INPP4B: variants seen among roughly 807,000 people sequenced by gnomAD.
INPP4B encodes inositol polyphosphate-4-phosphatase type II B, also known as inositol polyphosphate 4-phosphatase type II.
Under a neutral mutation model 122.5 loss-of-function variants are expected in INPP4B, and 55 were observed. The observed-to-expected ratio is 0.45, with a 90% CI of 0.36 to 0.56. INPP4B has a LOEUF of 0.56. Ranked by LOEUF, INPP4B falls within the 20% of genes least tolerant of loss-of-function variation. The pLI, the probability that INPP4B is intolerant of heterozygous loss-of-function variation, is 0.00. For synonymous variants in INPP4B, 403 were observed against 388.7 expected (o/e 1.04, Z -0.43); for missense variants, 1,000 against 1,097.7 (o/e 0.91, Z 1.26).
At chr4:142,242,160 T>C (rs891823585) in intron 11 of INPP4B, among the ~76,000 whole-genome samples, 1 of 152,208 alleles carries the variant, frequency 6.6e-6, no homozygotes, top group African/African-American at 2.4e-5. Context: ...TCATTTGTAT[T>C]TGAAGATATC....
At chr4:142,749,302 A>T (rs1192689524) in intron 1 of INPP4B, among the ~76,000 whole-genome samples, 1 of 147,558 alleles carries the variant, frequency 6.8e-6, no homozygotes, top group Non-Finnish European at 1.5e-5. Context: ...TATAAAACAT[A>T]TATATGTTTA....
intron 1 of INPP4B, among the ~76,000 whole-genome samples, chr4:142,828,298 TGA>T (rs1781680672): frequency 6.6e-6 from 1 of 152,144 alleles, no homozygotes; most frequent in Non-Finnish European, 1.5e-5. Context: ...GTGGATGACC[TGA>T]GCCCCATATA....
At chr4:142,503,018 TA>T in intron 2 of INPP4B, among the ~76,000 whole-genome samples, 1 of 152,182 alleles carries the variant, frequency 6.6e-6, no homozygotes, top group Non-Finnish European at 1.5e-5. Flanking sequence ...GAATAAAATT[TA>T]TAATAAATTG....
At chr4:142,079,150 T>C (rs1258091948) in intron 25 of INPP4B, among the ~76,000 whole-genome samples, 2 of 151,980 alleles carry the variant, frequency 1.3e-5, no homozygotes, top group African/African-American at 4.8e-5. Flanking sequence ...TCTTGATACA[T>C]TTTTAAAAAT....
intron 2 of INPP4B, among the ~76,000 whole-genome samples, chr4:142,667,341 G>C (rs1211719020): frequency 2.0e-5 from 3 of 152,092 alleles, no homozygotes; most frequent in East Asian, 1.9e-4. Context: ...CATATTGGAG[G>C]CTGCTTCCAC....
At chr4:142,635,401 T>C (rs1748910938) in intron 2 of INPP4B, among the ~76,000 whole-genome samples, 1 of 152,150 alleles carries the variant, frequency 6.6e-6, no homozygotes, top group African/African-American at 2.4e-5. Context: ...TAAAGACACA[T>C]GCACATTAAT....
intron 18 of INPP4B, among the ~76,000 whole-genome samples, chr4:142,145,201 A>G (rs979378020): frequency 6.6e-6 from 1 of 152,144 alleles, no homozygotes; most frequent in African/African-American, 2.4e-5. Context: ...TAAGGTATAC[A>G]TTTGAAAGTA....
At chr4:142,237,082 T>A (rs1856977237) in intron 12 of INPP4B, among the ~76,000 whole-genome samples, 1 of 152,204 alleles carries the variant, frequency 6.6e-6, no homozygotes, top group African/African-American at 2.4e-5. Context: ...AGCTCTCAAA[T>A]CCTTCTACCT....
chr4:142,591,687 A>G (rs1179869239), intron 2 of INPP4B, among the ~76,000 whole-genome samples: 1 of 152,176 alleles, frequency 6.6e-6, no homozygotes, highest in Non-Finnish European at 1.5e-5. Context: ...CAAGTGATCC[A>G]CATGATCCTC....
intron 2 of INPP4B, among the ~76,000 whole-genome samples, chr4:142,607,962 A>T (rs1741636014): frequency 6.6e-6 from 1 of 152,156 alleles, no homozygotes; most frequent in Non-Finnish European, 1.5e-5. Context: ...GACACCATGA[A>T]ACCTTCCCAG....
At chr4:142,408,440 C>A (rs1304519634) in intron 5 of INPP4B, among the ~76,000 whole-genome samples, 1 of 152,082 alleles carries the variant, frequency 6.6e-6, no homozygotes, top group African/African-American at 2.4e-5. Flanking sequence ...GTAGTGCCAG[C>A]TACTTGGGAG....
chr4:142,815,256 C>T (rs995290458), intron 1 of INPP4B, among the ~76,000 whole-genome samples: 3 of 152,042 alleles, frequency 2.0e-5, no homozygotes, highest in African/African-American at 7.2e-5. Flanking sequence ...GGCATAACAA[C>T]TAAAATATAA....
intron 20 of INPP4B, among the ~76,000 whole-genome samples, chr4:142,122,681 G>A (rs1797055458): frequency 6.6e-6 from 1 of 151,962 alleles, no homozygotes; most frequent in Admixed American, 6.6e-5. Flanking sequence ...TTCCAGATCA[G>A]CACTCTCTAA....
chr4:142,725,070 CTTTTCTGCAAAA>C (rs1765163661), intron 2 of INPP4B, among the ~76,000 whole-genome samples: 1 of 152,044 alleles, frequency 6.6e-6, no homozygotes, highest in Non-Finnish European at 1.5e-5. Flanking sequence ...CTGTCTGAAA[CTTTTCTGCAAAA>C]ATCTCTTTTG....
At chr4:142,440,671 T>C (rs1811509032) in intron 3 of INPP4B, among the ~76,000 whole-genome samples, 1 of 152,156 alleles carries the variant, frequency 6.6e-6, no homozygotes, top group Non-Finnish European at 1.5e-5. Flanking sequence ...TTTTCTCTCA[T>C]GGAGCTTTAA....
chr4:142,577,111 T>C (rs1454038656), intron 2 of INPP4B, among the ~76,000 whole-genome samples: 1 of 152,180 alleles, frequency 6.6e-6, no homozygotes, highest in Admixed American at 6.6e-5. Context: ...TATTCTTGTA[T>C]CCATACCAAC....
chr4:142,261,158 G>A (rs1195482141), intron 10 of INPP4B, among the ~76,000 whole-genome samples: 2 of 152,180 alleles, frequency 1.3e-5, no homozygotes, highest in East Asian at 1.9e-4. Context: ...CAGAAAGAGA[G>A]AAGAGATACA....
chr4:142,644,789 T>C (rs915280714), intron 2 of INPP4B, among the ~76,000 whole-genome samples: 1 of 137,542 alleles, frequency 7.3e-6, no homozygotes, highest in Non-Finnish European at 1.6e-5. Flanking sequence ...TAGTGGCAGG[T>C]CCCTGTAATC....
intron 2 of INPP4B, among the ~76,000 whole-genome samples, chr4:142,492,520 G>A (rs1187671885): frequency 6.6e-6 from 1 of 152,182 alleles, no homozygotes; most frequent in Non-Finnish European, 1.5e-5. Flanking sequence ...TGCGAATAGT[G>A]ATATGGACAA....
Sources: allele counts gnomAD v4.1 joint callset (sites outside exome capture counted in the v4.1 genomes callset), GRCh38; gene constraint gnomAD v4.1.1; transcripts MANE v1.5; gene names NCBI Gene and HGNC (gene_info 2026-07-23, HGNC 2026-07-21).